Variants in ADGRD1 observed in about 807,000 individuals in gnomAD.
ADGRD1 encodes the protein adhesion G protein-coupled receptor D1.
In ADGRD1, 77 loss-of-function variants were observed where a neutral mutation model predicts 113.4. That is an observed-to-expected ratio of 0.68 (90% confidence interval 0.57 to 0.82). The LOEUF (loss-of-function observed/expected upper bound fraction) is 0.82, where lower values mean the gene tolerates loss of function less well. Among genes scored for constraint, ADGRD1 ranks in the 40% least tolerant of loss-of-function variants. ADGRD1 has a pLI of 0.00. For synonymous variants in ADGRD1, 474 were observed against 475.0 expected (o/e 1.00, Z 0.03); for missense variants, 1,036 against 1,139.1 (o/e 0.91, Z 1.30).
chr12:131,003,082 G>T lies in ADGRD1; in HGVS notation c.1027-103G>T. On this transcript the variant is annotated intron_variant, in intron 9 of 24. Coordinates refer to ENST00000261654, the MANE Select transcript of ADGRD1 (RefSeq NM_198827.5). The surrounding 1 kb of genome is among the most constrained non-coding windows in gnomAD (Gnocchi z 4.8). ...GTTGTGTGACTTCTTCCTCCCTCGT[G>T]GCCAACGTGGGGAAACTTGATTTTG... The T allele has an allele frequency of 2.2e-6, 2 of 913,552 alleles. No homozygotes were observed. The highest frequency in any genetic ancestry group is 3.6e-6 in the Non-Finnish European group (2 of 554,322). 56.6% of individuals were successfully genotyped at this position (913,552 alleles called of 1,614,324 possible). A position where few individuals can be genotyped will look rare whatever the true frequency, so the allele number is the denominator to read the frequency against.
chr12:131,009,683 T>C (rs1445045218), intron 12 of ADGRD1, among the ~76,000 whole-genome samples: 1 of 152,144 alleles, frequency 6.6e-6, no homozygotes, highest in Non-Finnish European at 1.5e-5. Context: ...ATGTATGTGC[T>C]TGTGTGGTGT....
At position 131,108,809 on chromosome 12, in the gene ADGRD1, A is replaced by G. The variant is rs747759073; in HGVS notation, c.1973A>G (p.Tyr658Cys). The G allele has an allele frequency of 1.2e-6, 2 of 1,613,604 alleles. No individual in the cohort carries two copies. Among genetic ancestry groups the G allele is most frequent in the South Asian group, 1.1e-5 (1 of 91,050 alleles). ...ATGCTGGTGGAGGGGCTGCACCTCT[A>G]CAGCATGGTGATCAAGGTCTTTGGG... ...AWMLVEGLHLYSMVIKVFGSE... is the reference protein window; with the variant it reads ...AWMLVEGLHLCSMVIKVFGSE... Residue 658 changes from tyrosine (Y) to cysteine (C), a missense_variant, in exon 18 of 25, where the codon TAC becomes TGC. By Grantham distance (194) the Tyr-to-Cys change is radical (BLOSUM62 -2). Coordinates refer to ENST00000261654, the MANE Select transcript of ADGRD1 (RefSeq NM_198827.5).
intron 12 of ADGRD1, among the ~76,000 whole-genome samples, chr12:131,009,227 A>AC (rs1248699470): frequency 6.6e-6 from 1 of 152,196 alleles, no homozygotes; most frequent in Non-Finnish European, 1.5e-5. Flanking sequence ...CCTGTGGCAT[A>AC]CTCCTGTCAG....
intron 3 of ADGRD1, chr12:130,968,818 G>GT: frequency 1.7e-6 from 1 of 602,622 alleles, no homozygotes; most frequent in African/African-American, 1.9e-5. Flanking sequence ...AACAAGGGTG[G>GT]TGGAGGCTGG....
chr12:130,997,350 G>A (rs1425172475), intron 8 of ADGRD1, among the ~76,000 whole-genome samples: 14 of 149,222 alleles, frequency 9.4e-5, no homozygotes, highest in Non-Finnish European at 1.9e-4. Context: ...GGGCGGAGAC[G>A]CTCCTCACTT....
In ADGRD1 at chr12:131,084,960, C is replaced by A. The variant is rs957428052; in HGVS notation, c.1671+297C>A. Among the ~76,000 whole-genome samples the A allele has an allele frequency of 6.6e-6, 1 of 152,218 alleles. No homozygotes were observed. On this transcript the variant is annotated intron_variant, in intron 15 of 24. Coordinates refer to ENST00000261654, the MANE Select transcript of ADGRD1 (RefSeq NM_198827.5). The surrounding 1 kb of genome is among the most constrained non-coding windows in gnomAD (Gnocchi z 4.5). ...GGGGATCCAAGGAGGGACCCCTCAT[C>A]CCTCCATCTGTCCCTCTGGCAGATT...
intron 12 of ADGRD1, among the ~76,000 whole-genome samples, chr12:131,012,055 G>C (rs747226922): frequency 6.6e-6 from 1 of 152,186 alleles, no homozygotes; most frequent in African/African-American, 2.4e-5. Context: ...TTCTCAGACG[G>C]TGAATGTTGT....
chr12:131,073,368 C>G (rs903727166), intron 13 of ADGRD1, among the ~76,000 whole-genome samples: 1 of 152,230 alleles, frequency 6.6e-6, no homozygotes, highest in African/African-American at 2.4e-5. Context: ...GCCCTGAACC[C>G]TGTTTAGTTG....
chr12:131,066,608 C>T (rs1351679087), intron 13 of ADGRD1, among the ~76,000 whole-genome samples: 7 of 152,200 alleles, frequency 4.6e-5, no homozygotes, highest in Non-Finnish European at 1.0e-4. Context: ...TGCCCTGTGA[C>T]TCTCACATCC....
intron 13 of ADGRD1, among the ~76,000 whole-genome samples, chr12:131,046,871 C>T (rs143217026): frequency 0.02 from 2,854 of 141,932 alleles, 38 homozygotes; most frequent in Non-Finnish European, 0.028. Context: ...CAGTGTCCTC[C>T]CTGGTCAGTG....
At chr12:131,074,155 C>G (rs1885396874) in intron 13 of ADGRD1, among the ~76,000 whole-genome samples, 1 of 152,160 alleles carries the variant, frequency 6.6e-6, no homozygotes, top group Non-Finnish European at 1.5e-5. Context: ...AATAAACAAG[C>G]AGTTGGTTAA....
At chr12:131,037,441 TACTC>T (rs1881621721) in intron 13 of ADGRD1, among the ~76,000 whole-genome samples, 1 of 131,704 alleles carries the variant, frequency 7.6e-6, no homozygotes, top group Non-Finnish European at 1.6e-5. Flanking sequence ...ACCAGGATCT[TACTC>T]ACTGCATGGG....
At chr12:131,097,045 C>T (rs907381112) in intron 15 of ADGRD1, among the ~76,000 whole-genome samples, 5 of 152,170 alleles carry the variant, frequency 3.3e-5, no homozygotes, top group East Asian at 1.9e-4. Flanking sequence ...CTGGCTTCCA[C>T]GGGGGGATTT....
intron 13 of ADGRD1, among the ~76,000 whole-genome samples, chr12:131,065,226 C>G (rs749526575): frequency 4.8e-4 from 73 of 152,150 alleles, no homozygotes; most frequent in Non-Finnish European, 9.1e-4. Flanking sequence ...GTGAGTGGCT[C>G]AGTAGAGGTG....
intron 20 of ADGRD1, among the ~76,000 whole-genome samples, chr12:131,131,089 C>G (rs1015576808): frequency 2.6e-5 from 4 of 152,232 alleles, no homozygotes; most frequent in Non-Finnish European, 5.9e-5. Context: ...GCCTCGCCAG[C>G]CTCCTACTGA....
At chr12:131,029,373 T>C (rs1259446869) in intron 13 of ADGRD1, among the ~76,000 whole-genome samples, 1 of 152,232 alleles carries the variant, frequency 6.6e-6, no homozygotes, top group Admixed American at 6.5e-5. Flanking sequence ...TCACACTGGA[T>C]ACATGTGGCT....
intron 9 of ADGRD1, chr12:131,002,744 GC>G: frequency 1.6e-6 from 2 of 1,258,084 alleles, no homozygotes; most frequent in Non-Finnish European, 2.0e-6. Context: ...CTCGGAAGCA[GC>G]CACCCTTCAT....
intron 5 of ADGRD1, among the ~76,000 whole-genome samples, chr12:130,986,507 A>T (rs893848695): frequency 6.6e-6 from 1 of 152,122 alleles, no homozygotes. Context: ...GTAGCCTGTA[A>T]TCTTGCTATG....
intron 13 of ADGRD1, among the ~76,000 whole-genome samples, chr12:131,074,607 C>G (rs187325983): frequency 9.9e-5 from 15 of 152,204 alleles, no homozygotes; most frequent in South Asian, 6.2e-4. Context: ...CCACCACACT[C>G]CCATATCAAA....
Sources: gnomAD v4.1 joint callset for allele counts (sites outside exome capture counted in the v4.1 genomes callset) on GRCh38, gnomAD v4.1.1 for gene constraint, Gnocchi (gnomAD v3.1) non-coding constraint, MANE v1.5 for transcripts, NCBI Gene and HGNC (gene_info 2026-07-23, HGNC 2026-07-21) for gene names.